SLCO1B3: variants seen among roughly 807,000 people sequenced by gnomAD.
The protein encoded by SLCO1B3 is liver-specific organic anion transporter 2.
A neutral mutation model predicts 71.8 loss-of-function variants in SLCO1B3; 72 were observed. That is an observed-to-expected ratio of 1.00 (90% CI 0.83 to 1.22). SLCO1B3 has a LOEUF of 1.22. SLCO1B3 is among the 50% of genes most tolerant of loss of function. SLCO1B3 has a pLI of 0.00. For missense variants in SLCO1B3, 911 were observed against 819.7 expected, an observed-to-expected ratio of 1.11 and a Z score of -1.36; for synonymous variants, 298 against 278.4, an observed-to-expected ratio of 1.07 and a Z score of -0.70.
In SLCO1B3 at chr12:20,862,871, C is replaced by A. The variant is rs759394525; in HGVS notation, c.727+17C>A. The A allele has an allele frequency of 1.4e-6, 2 of 1,384,944 alleles. No homozygotes were observed. The highest frequency in any genetic ancestry group is 1.4e-5 in the African/African-American group (1 of 71,396). The allele number at this position is 1,384,944 out of a possible 1,614,324, so 85.8% of individuals were successfully genotyped here. A position where few individuals can be genotyped will look rare whatever the true frequency, so the allele number is the denominator to read the frequency against. Reference sequence around the variant, plus strand: ...TAGATCTGAGTAAGTACAATTAGAACAAGGTACCATGATAGTGTCTTTTAA... The same window carrying A: ...TAGATCTGAGTAAGTACAATTAGAAAAAGGTACCATGATAGTGTCTTTTAA... On this transcript the variant is annotated intron_variant, in intron 8 of 15. Coordinates refer to ENST00000381545, the MANE Select transcript of SLCO1B3 (RefSeq NM_019844.4).
chr12:20,870,047 C>T (rs184082010), intron 8 of SLCO1B3, among the ~76,000 whole-genome samples: 1 of 151,994 alleles, frequency 6.6e-6, no homozygotes, highest in South Asian at 2.1e-4. Context: ...TATGGTGATA[C>T]GTAATTGTGC....
intron 8 of SLCO1B3, among the ~76,000 whole-genome samples, chr12:20,873,916 T>C (rs1356158670): frequency 6.6e-6 from 1 of 152,222 alleles, no homozygotes; most frequent in Non-Finnish European, 1.5e-5. Flanking sequence ...TTCATACATG[T>C]CCCTGCAAAG....
At chr12:20,834,894 T>C (rs1387895171) in intron 3 of SLCO1B3, among the ~76,000 whole-genome samples, 1 of 152,254 alleles carries the variant, frequency 6.6e-6, no homozygotes, top group East Asian at 1.9e-4. Context: ...GTGGGAGCTC[T>C]CGCCCCACAT....
intron 14 of SLCO1B3, 108 bp downstream of exon 14, chr12:20,898,608 G>C (rs1866065849): frequency 2.0e-6 from 1 of 488,174 alleles, no homozygotes; most frequent in Middle Eastern, 5.5e-4. Context: ...AAAAAGAATA[G>C]GTAAGAATCA....
intron 3 of SLCO1B3, among the ~76,000 whole-genome samples, chr12:20,846,106 AT>A (rs1205144558): frequency 3.3e-5 from 5 of 151,442 alleles, no homozygotes; most frequent in East Asian, 1.9e-4. Flanking sequence ...ACATATTCCA[AT>A]TTTTTTTCAT....
chr12:20,819,301 G>A (rs998199393), intron 3 of SLCO1B3, among the ~76,000 whole-genome samples: 12 of 152,164 alleles, frequency 7.9e-5, no homozygotes, highest in South Asian at 2.1e-4. Context: ...GTGTTTTTAC[G>A]AGAATTATGC....
rs1015605944 is a variant in SLCO1B3, at chr12:20,835,959, A to C, written c.85-19069A>C. ...TAATTTATAAAGAAAAAGAAGTTTA[A>C]TGGACTCACAATTTCAAATGGCAAG... is the stretch of plus-strand genomic sequence containing the variant. On this transcript the variant is annotated intron_variant, in intron 3 of 15. Coordinates refer to ENST00000381545, the MANE Select transcript of SLCO1B3 (RefSeq NM_019844.4). Among the ~76,000 whole-genome samples, 30 of 152,340 alleles carry C rather than the reference A, an allele frequency of 2.0e-4. 1 individual carries two copies. The South Asian group carries it at 6.0e-3, about 30-fold the overall frequency.
Position 20,881,011 on chromosome 12 carries a change from A to G in SLCO1B3, c.1488A>G (p.Lys496=), listed in dbSNP as rs761197805. Residue 496 remains lysine, a synonymous_variant, in exon 12 of 16, where the codon AAA becomes AAG. Coordinates refer to ENST00000381545, the MANE Select transcript of SLCO1B3 (RefSeq NM_019844.4). The part of the protein sequence containing the change: ...LAGCKSSSGI[K]KHTVFYNCSC... ...GATGCAAATCCTCAAGTGGTATTAAAAAGCATACAGTGAGTATTAGTTTTC... is the reference window on the plus strand; with the variant it reads ...GATGCAAATCCTCAAGTGGTATTAAGAAGCATACAGTGAGTATTAGTTTTC... 2 of 1,607,864 alleles carry G rather than the reference A, an allele frequency of 1.2e-6. No individual in the cohort carries two copies. The highest frequency in any genetic ancestry group is 1.7e-5 in the Admixed American group (1 of 59,222).
At chr12:20,835,301 G>A (rs568896574) in intron 3 of SLCO1B3, among the ~76,000 whole-genome samples, 18 of 152,210 alleles carry the variant, frequency 1.2e-4, no homozygotes, top group Non-Finnish European at 2.2e-4. Context: ...GTCATTTTCC[G>A]CATTGTCTTG....
At chr12:20,821,312 T>G (rs1864300768) in intron 3 of SLCO1B3, among the ~76,000 whole-genome samples, 1 of 152,160 alleles carries the variant, frequency 6.6e-6, no homozygotes, top group Non-Finnish European at 1.5e-5. Flanking sequence ...TGGCAATTTG[T>G]AACTACTGTC....
At position 20,875,252 on chromosome 12, in the gene SLCO1B3, C is replaced by G. The variant is rs904458330; in HGVS notation, c.745C>G (p.Pro249Ala). 1.9e-6 allele frequency: 3 copies of G among 1,612,960 alleles called. No homozygotes were observed. The highest frequency in any genetic ancestry group is 2.5e-6 in the Non-Finnish European group (3 of 1,179,686). Residue 249 changes from proline (P) to alanine (A), a missense_variant, in exon 9 of 16, where the codon CCT becomes GCT. Pro to Ala is a conservative substitution (Grantham distance 27). Transcript: ENST00000381545. ...YVDLSTIRIT[P>A]KDSRWVGAWW... ...TCTCCTAGGCACTATCAGAATAACT[C>G]CTAAGGACTCTCGTTGGGTTGGAGC...
intron 15 of SLCO1B3, among the ~76,000 whole-genome samples, chr12:20,912,630 T>A (rs1866407884): frequency 6.6e-6 from 1 of 151,676 alleles, no homozygotes; most frequent in Admixed American, 6.6e-5. Context: ...TTCAAGTGAT[T>A]CTCCTACCTC....
At chr12:20,908,697 C>T (rs1866305858) in intron 15 of SLCO1B3, among the ~76,000 whole-genome samples, 1 of 152,076 alleles carries the variant, frequency 6.6e-6, no homozygotes, top group African/African-American at 2.4e-5. Context: ...GTTTCCTGTA[C>T]TTGTTTGTAT....
At chr12:20,894,164 A>C (rs559730788) in intron 13 of SLCO1B3, among the ~76,000 whole-genome samples, 2 of 152,322 alleles carry the variant, frequency 1.3e-5, no homozygotes, top group East Asian at 3.9e-4. Flanking sequence ...TTAAACAATT[A>C]AATGAAATAG....
At chr12:20,904,564 C>A (rs972426256) in intron 15 of SLCO1B3, among the ~76,000 whole-genome samples, 1 of 151,948 alleles carries the variant, frequency 6.6e-6, no homozygotes, top group Non-Finnish European at 1.5e-5. Context: ...GCACACAGTG[C>A]AAGCTGTTGG....
intron 9 of SLCO1B3, among the ~76,000 whole-genome samples, chr12:20,876,066 TTAAA>T (rs1010125179): frequency 1.4e-5 from 2 of 146,028 alleles, no homozygotes; most frequent in African/African-American, 4.9e-5. Flanking sequence ...TTATATCTTA[TTAAA>T]TTAATTTTTA....
rs773820352 is a variant in SLCO1B3 at position 20,916,180 on chromosome 12, T to C, written c.2042T>C (p.Val681Ala). 6 of 1,612,488 alleles carry C rather than the reference T, an allele frequency of 3.7e-6. No homozygotes were observed. The South Asian group carries it at 5.5e-5, about 15-fold the overall frequency. The part of the protein sequence containing the change: ...LEFLNNGEHF[V>A]PSAGTDSKTC... ...TTCTTAAATAATGGTGAACATTTTG[T>C]ACCTTCTGCTGGAACAGATAGTAAA... Residue 681 changes from valine (V) to alanine (A), a missense_variant, in exon 16 of 16, where the codon GTA becomes GCA. Transcript: ENST00000381545.
At chr12:20,845,492 G>C (rs1260842851) in intron 3 of SLCO1B3, among the ~76,000 whole-genome samples, 1 of 152,110 alleles carries the variant, frequency 6.6e-6, no homozygotes, top group Non-Finnish European at 1.5e-5. Context: ...CAGCAACACA[G>C]GGCAAGGATA....
chr12:20,904,528 G>A (rs1244868844), intron 15 of SLCO1B3, among the ~76,000 whole-genome samples: 5 of 152,034 alleles, frequency 3.3e-5, no homozygotes, highest in African/African-American at 1.2e-4. Flanking sequence ...TCATGGGCTG[G>A]TACTGAGTGC....
Sources: gnomAD v4.1 joint callset for allele counts (sites outside exome capture counted in the v4.1 genomes callset) on GRCh38, gnomAD v4.1.1 for gene constraint, MANE v1.5 for transcripts, NCBI Gene and HGNC (gene_info 2026-07-23, HGNC 2026-07-21) for gene names.